Variants in PLEKHG5 observed in about 807,000 individuals in gnomAD.
PLEKHG5 encodes the protein pleckstrin homology domain-containing family G member 5.
Under a neutral mutation model 103.8 loss-of-function variants are expected in PLEKHG5, and 52 were observed. That is an observed-to-expected ratio of 0.50 (90% confidence interval 0.40 to 0.63). PLEKHG5 has a LOEUF of 0.63. Ranked by LOEUF, PLEKHG5 falls within the 30% of genes least tolerant of loss-of-function variation. PLEKHG5 has a pLI of 0.00. For synonymous variants in PLEKHG5, 592 were observed against 575.5 expected (o/e 1.03, Z -0.41); for missense variants, 1,205 against 1,347.6 (o/e 0.89, Z 1.66).
At chr1:6,506,471 C>T (rs1329166665) in intron 1 of PLEKHG5, among the ~76,000 whole-genome samples, 2 of 152,256 alleles carry the variant, frequency 1.3e-5, no homozygotes, top group African/African-American at 4.8e-5. Context: ...CTGGGGACGA[C>T]AGAGGCCCGG....
Position 6,475,941 on chromosome 1 carries a change from C to T in PLEKHG5, c.139G>A (p.Asp47Asn). Reference sequence around the variant, plus strand: ...TCATCCCTCACCTACCCTTTGCCATCCACAGAGCTCTCCTCCTCCTCCTCC... The same window carrying T: ...TCATCCCTCACCTACCCTTTGCCATTCACAGAGCTCTCCTCCTCCTCCTCC... ...LEEEEEESSVDGKGDRKSTGL... is the reference protein window; with the variant it reads ...LEEEEEESSVNGKGDRKSTGL... The change falls in exon 3 of 21, where the codon GAT (aspartate) becomes AAT (asparagine). Residue 47 changes from aspartate (D) to asparagine (N), a missense_variant. Asp to Asn is a conservative substitution (Grantham distance 23). Transcript: ENST00000377728. 7.4e-6 allele frequency: 12 copies of T among 1,613,844 alleles called. No individual in the cohort carries two copies. The highest frequency in any genetic ancestry group is 1.0e-5 in the Non-Finnish European group (12 of 1,179,808).
chr1:6,473,105 G>A lies in PLEKHG5; in HGVS notation c.865C>T (p.Pro289Ser), dbSNP rs373198302. The A allele has an allele frequency of 3.7e-5, 60 of 1,613,950 alleles. No individual in the cohort carries two copies. In the Middle Eastern group the frequency reaches 2.6e-3, roughly 71 times the overall value. The part of the protein sequence containing the change: ...TYSLFGLPRL[P>S]RGLRFDHDSW... ...TCATGGTCGAAGCGCAGCCCCCGGGGCAGCCTGGGCAGCCCGAAGAGGCTG... is the reference window on the plus strand; with the variant it reads ...TCATGGTCGAAGCGCAGCCCCCGGGACAGCCTGGGCAGCCCGAAGAGGCTG... Residue 289 changes from proline (P) to serine (S), a missense_variant, in exon 9 of 21, where the codon CCC (proline) becomes TCC (serine). Transcript: ENST00000377728.
intron 1 of PLEKHG5, among the ~76,000 whole-genome samples, chr1:6,512,949 T>C (rs1455446951): frequency 6.6e-6 from 1 of 152,198 alleles, no homozygotes; most frequent in African/African-American, 2.4e-5. Context: ...TCAGAGACAG[T>C]GGCCAACAGT....
At chr1:6,488,218 G>C (rs1046004299) in intron 1 of PLEKHG5, among the ~76,000 whole-genome samples, 1 of 152,170 alleles carries the variant, frequency 6.6e-6, no homozygotes, top group African/African-American at 2.4e-5. Context: ...AATCCCATTC[G>C]CTCTTCTCAA....
In PLEKHG5 at chr1:6,476,049, C is replaced by T. The variant is rs373769263; in HGVS notation, c.44-13G>A. On this transcript the variant is annotated splice_polypyrimidine_tract_variant and intron_variant, in intron 2 of 20. Transcript: ENST00000377728. The stretch of plus-strand genomic sequence containing the variant: ...GCCAGCACAGAGCCTTGGGAGAAAG[C>T]AGGAGAGGGTTGTGCCTCCCCCGCC... 1.4e-5 allele frequency: 23 copies of T among 1,610,478 alleles called. No homozygotes were observed. Among genetic ancestry groups the T allele is most frequent in the Non-Finnish European group, 1.9e-5 (22 of 1,178,548 alleles).
intron 5 of PLEKHG5, chr1:6,474,805 C>T (rs1644711244): frequency 3.0e-6 from 2 of 656,112 alleles, no homozygotes; most frequent in Non-Finnish European, 5.5e-6. Context: ...AGACCTGTCA[C>T]ACGCCTGCCC....
rs1176994689 is a variant in PLEKHG5 at position 6,473,994 on chromosome 1, C to T, written c.591+19G>A. The T allele has an allele frequency of 1.5e-6, 2 of 1,293,906 alleles. No homozygotes were observed. The highest frequency in any genetic ancestry group is 1.1e-6 in the Non-Finnish European group (1 of 913,634). The allele number at this position is 1,293,906 out of a possible 1,614,324, so 80.2% of individuals were successfully genotyped here. ...GGCCCCTTCCCACCCCCTCCCCTGACACACCCCCTCCTCCTCACCAAGATG... is the reference window on the plus strand; with the variant it reads ...GGCCCCTTCCCACCCCCTCCCCTGATACACCCCCTCCTCCTCACCAAGATG... On this transcript the variant is annotated intron_variant, in intron 7 of 20. Coordinates refer to ENST00000377728, the MANE Select transcript of PLEKHG5 (RefSeq NM_020631.6).
chr1:6,469,745 C>A (rs990256885), intron 16 of PLEKHG5, 69 bp from the exon 17 acceptor site: 3 of 1,533,554 alleles, frequency 2.0e-6, no homozygotes, highest in Non-Finnish European at 2.7e-6. Flanking sequence ...TGGCACCAGC[C>A]TCCCCTGGGA....
At chr1:6,506,378 C>A (rs1638316868) in intron 1 of PLEKHG5, among the ~76,000 whole-genome samples, 1 of 152,192 alleles carries the variant, frequency 6.6e-6, no homozygotes, top group Non-Finnish European at 1.5e-5. Flanking sequence ...CACAAAGCGC[C>A]TTTCTTCCCC....
At chr1:6,507,989 A>C (rs1638369976) in intron 1 of PLEKHG5, among the ~76,000 whole-genome samples, 1 of 152,130 alleles carries the variant, frequency 6.6e-6, no homozygotes. Context: ...AGCAGAGGCC[A>C]GGGCCAGTGG....
In PLEKHG5 at chr1:6,490,366, T is replaced by C; in HGVS notation, c.-88+1271A>G. 1.2e-6 allele frequency: 1 copy of C among 800,710 alleles called. No individual in the cohort carries two copies. The highest frequency in any genetic ancestry group is 1.5e-6 in the Non-Finnish European group (1 of 662,398). 49.6% of individuals were successfully genotyped at this position (800,710 alleles called of 1,614,324 possible). On this transcript the variant is annotated intron_variant, in intron 1 of 20. Transcript: ENST00000377728. The surrounding 1 kb of genome is among the most constrained non-coding windows in gnomAD (Gnocchi z 8.0). ...ACGTGGGAATCTCGAATCCGGGTTC[T>C]GTCCATCGGTTTAGGGGGGTCCTGG...
chr1:6,508,958 TC>T (rs1374527828), intron 1 of PLEKHG5, among the ~76,000 whole-genome samples: 5 of 152,164 alleles, frequency 3.3e-5, no homozygotes, highest in Admixed American at 3.3e-4. Flanking sequence ...CCCACCCCGC[TC>T]TAGGCCTGGC....
intron 5 of PLEKHG5, 107 bp from the exon 6 acceptor site, chr1:6,474,694 C>A: frequency 8.5e-7 from 1 of 1,172,554 alleles, no homozygotes; most frequent in East Asian, 2.6e-5. Flanking sequence ...CAGCTGCCCC[C>A]ACCTTCCCAA....
upstream of PLEKHG5, chr1:6,496,871 C>A (rs1645232790): frequency 9.3e-7 from 1 of 1,075,704 alleles, no homozygotes; most frequent in Non-Finnish European, 1.3e-6. Flanking sequence ...CGCTCAGTGA[C>A]CTTTTGGGGC....
intron 1 of PLEKHG5, among the ~76,000 whole-genome samples, chr1:6,512,801 A>T (rs10442705): frequency 1.3e-5 from 2 of 152,004 alleles, no homozygotes; most frequent in African/African-American, 2.4e-5. Context: ...TTCAAATCCC[A>T]GCTCCAGCTC....
At chr1:6,481,726 T>C (rs1038948306) in intron 1 of PLEKHG5, among the ~76,000 whole-genome samples, 4 of 151,290 alleles carry the variant, frequency 2.6e-5, no homozygotes, top group Non-Finnish European at 4.4e-5. Flanking sequence ...TAGCCGGGCA[T>C]GGTGGCACAC....
chr1:6,500,834 C>T (rs866129436), upstream of PLEKHG5, among the ~76,000 whole-genome samples: 3 of 152,182 alleles, frequency 2.0e-5, no homozygotes, highest in African/African-American at 7.2e-5. Flanking sequence ...CCCCACCTCC[C>T]GTCGCAGGGA....
At chr1:6,474,396 C>A (rs1644695247) in intron 6 of PLEKHG5, 55 bp downstream of exon 6, 2 of 1,605,314 alleles carry the variant, frequency 1.2e-6, no homozygotes, top group Non-Finnish European at 8.5e-7. Context: ...GGGCGCCCAT[C>A]TCCAGGAGGC....
Position 6,501,857 on chromosome 1 carries a change from G to C in PLEKHG5, c.-164-5288C>G, listed in dbSNP as rs979985063. ...GGTCCCAGGCTGACACAAGTGCATG[G>C]AAAACCACCTCGTTCTCATTTTCTC... On this transcript the variant is annotated intron_variant, in intron 1 of 21. Coordinates refer to the PLEKHG5 transcript ENST00000377740. This position sits in a 1 kb window ranked among gnomAD's most constrained non-coding sequence, Gnocchi z 4.3. Among the ~76,000 whole-genome samples the C allele has an allele frequency of 1.3e-5, 2 of 152,130 alleles. No homozygotes were observed. Among genetic ancestry groups the C allele is most frequent in the African/African-American group, 4.8e-5 (2 of 41,418 alleles).
Sources: gnomAD v4.1 joint callset for allele counts (sites outside exome capture counted in the v4.1 genomes callset) on GRCh38, gnomAD v4.1.1 for gene constraint, Gnocchi (gnomAD v3.1) non-coding constraint, MANE v1.5 for transcripts, NCBI Gene and HGNC (gene_info 2026-07-23, HGNC 2026-07-21) for gene names.